Variants in ATP6V1G1 observed in about 807,000 individuals in gnomAD.
The protein encoded by ATP6V1G1 is V-type proton ATPase subunit G 1.
A neutral mutation model predicts 14.2 loss-of-function variants in ATP6V1G1; 14 were observed. That is an observed-to-expected ratio of 0.99 (90% CI 0.65 to 1.55). The LOEUF (loss-of-function observed/expected upper bound fraction) is 1.55. ATP6V1G1 is among the 40% of genes most tolerant of loss of function. ATP6V1G1 has a pLI of 0.00. For missense variants in ATP6V1G1, 137 were observed against 146.4 expected, an observed-to-expected ratio of 0.94 and a Z score of 0.33; for synonymous variants, 65 against 53.3, an observed-to-expected ratio of 1.22 and a Z score of -0.96.
intron 1 of ATP6V1G1, among the ~76,000 whole-genome samples, chr9:114,590,942 C>A (rs1034694688): frequency 6.6e-6 from 1 of 152,054 alleles, no homozygotes; most frequent in East Asian, 1.9e-4. Flanking sequence ...ACTACAGGTG[C>A]CTGCCACCAT....
chr9:114,597,596 C>T lies in ATP6V1G1; in HGVS notation c.210C>T (p.Ser70=). 6.5e-7 allele frequency: 1 copy of T among 1,537,982 alleles called. No individual in the cohort carries two copies. Among genetic ancestry groups the T allele is most frequent in the Non-Finnish European group, 8.7e-7 (1 of 1,144,334 alleles). ...CATTGGGATCCCGTGGCAGTTGCAG[C>T]ACTGAAGTGGAGAAGGAGACCCAGG... The part of the protein sequence containing the change: ...AAALGSRGSC[S]TEVEKETQEK... The change falls in exon 3 of 3, where the codon AGC becomes AGT. Residue 70 remains serine (S), a synonymous_variant. Coordinates refer to ENST00000374050, the MANE Select transcript of ATP6V1G1 (RefSeq NM_004888.4).
intron 1 of ATP6V1G1, among the ~76,000 whole-genome samples, chr9:114,590,103 CAGG>C (rs1845167627): frequency 6.7e-6 from 1 of 149,778 alleles, no homozygotes; most frequent in African/African-American, 2.5e-5. Flanking sequence ...GAGGCTGAGA[CAGG>C]AGAAACGCTT....
chr9:114,597,802 T>A lies in ATP6V1G1; in HGVS notation c.*59T>A. On this transcript the variant is annotated 3_prime_UTR_variant, in exon 3 of 3. Transcript: ENST00000374050. ...TTAGATGCCCTCACGAATATGAAGC[T>A]TAGCACAGCTCTAGTTACATTCTTA... is the stretch of plus-strand genomic sequence containing the variant. 7.1e-7 allele frequency: 1 copy of A among 1,406,866 alleles called. No individual in the cohort carries two copies. The highest frequency in any genetic ancestry group is 1.5e-5 in the African/African-American group (1 of 67,620). The allele number at this position is 1,406,866 out of a possible 1,614,324, so 87.1% of individuals were successfully genotyped here.
At chr9:114,594,089 CGGG>C (rs1845210328) in intron 2 of ATP6V1G1, among the ~76,000 whole-genome samples, 1 of 142,566 alleles carries the variant, frequency 7.0e-6, no homozygotes, top group Non-Finnish European at 1.5e-5. Context: ...TTTTCTGAGA[CGGG>C]GAGTTTTGCT....
At chr9:114,588,638 GTTAA>G (rs1030855544) in intron 1 of ATP6V1G1, among the ~76,000 whole-genome samples, 4 of 152,134 alleles carry the variant, frequency 2.6e-5, no homozygotes, top group East Asian at 3.9e-4. Flanking sequence ...TATTGGGTCA[GTTAA>G]TTAATTGCAG....
chr9:114,595,780 C>CG (rs1845231375), intron 2 of ATP6V1G1, among the ~76,000 whole-genome samples: 2 of 150,814 alleles, frequency 1.3e-5, no homozygotes, highest in East Asian at 1.9e-4. Context: ...CCCATCTCTT[C>CG]GGGAAAAAAA....
At chr9:114,592,800 C>A in intron 2 of ATP6V1G1, 148 bp downstream of exon 2, 2 of 740,448 alleles carry the variant, frequency 2.7e-6, no homozygotes, top group South Asian at 1.9e-5. Context: ...AGGCATCTGT[C>A]TTTTAGGATG....
At position 114,587,837 on chromosome 9, in the gene ATP6V1G1, C is replaced by T. The variant is rs530588639; in HGVS notation, c.-2C>T. 1 of 1,588,060 alleles carries T rather than the reference C, an allele frequency of 6.3e-7. No individual in the cohort carries two copies. The highest frequency in any genetic ancestry group is 8.6e-7 in the Non-Finnish European group (1 of 1,167,458). ...TGCCTTGCTCTCAGAATCGCTGCCGCCATGGCTAGTCAGTCTCAGGGGATT... is the reference window on the plus strand; with the variant it reads ...TGCCTTGCTCTCAGAATCGCTGCCGTCATGGCTAGTCAGTCTCAGGGGATT... On this transcript the variant is annotated 5_prime_UTR_variant, in exon 1 of 3. Transcript: ENST00000374050.
intron 2 of ATP6V1G1, among the ~76,000 whole-genome samples, chr9:114,597,066 C>T (rs956529600): frequency 1.2e-4 from 18 of 146,768 alleles, no homozygotes; most frequent in African/African-American, 4.5e-4. Context: ...TCTTGGCTCA[C>T]TGCAAGCTCC....
intron 2 of ATP6V1G1, among the ~76,000 whole-genome samples, chr9:114,596,257 T>G (rs1048198703): frequency 4.6e-5 from 7 of 151,922 alleles, no homozygotes; most frequent in South Asian, 4.2e-4. Context: ...GCGTGGTGGC[T>G]GGCGCCTGTA....
chr9:114,590,760 T>C (rs980435438), intron 1 of ATP6V1G1, among the ~76,000 whole-genome samples: 1 of 151,644 alleles, frequency 6.6e-6, no homozygotes, highest in African/African-American at 2.4e-5. Context: ...GACCTTAAAT[T>C]TTTTTTATTA....
At chr9:114,588,075 CTCTGGAAGGCTT>C in intron 1 of ATP6V1G1, 155 bp downstream of exon 1, 1 of 797,136 alleles carries the variant, frequency 1.3e-6, no homozygotes, top group African/African-American at 1.7e-5. Flanking sequence ...GGAGCTGAGG[CTCTGGAAGGCTT>C]GCGGATCGCC....
chr9:114,597,280 G>A (rs899580858), intron 2 of ATP6V1G1, among the ~76,000 whole-genome samples: 11 of 152,076 alleles, frequency 7.2e-5, no homozygotes, highest in South Asian at 2.1e-4. Flanking sequence ...GTGAGCCACC[G>A]CGCCCGGCCT....
At chr9:114,591,805 TC>T (rs1310309395) in intron 1 of ATP6V1G1, among the ~76,000 whole-genome samples, 1 of 151,954 alleles carries the variant, frequency 6.6e-6, no homozygotes, top group African/African-American at 2.4e-5. Flanking sequence ...CTAGAACCTC[TC>T]TTTTTTTTTT....
chr9:114,597,848 T>TAATG lies in ATP6V1G1; in HGVS notation c.*105_*106insAATG. The TAATG allele has an allele frequency of 9.4e-7, 1 of 1,066,860 alleles. No individual in the cohort carries two copies. Among genetic ancestry groups the TAATG allele is most frequent in the Non-Finnish European group, 1.2e-6 (1 of 818,514 alleles). The allele number at this position is 1,066,860 out of a possible 1,614,324, so 66.1% of individuals were successfully genotyped here. The stretch of plus-strand genomic sequence containing the variant: ...TCTTATGATATGGCATTAAATTATT[T>TAATG]CCATATATTATATAATAGGTCCTTC... On this transcript the variant is annotated 3_prime_UTR_variant, in exon 3 of 3. Coordinates refer to ENST00000374050, the MANE Select transcript of ATP6V1G1 (RefSeq NM_004888.4).
intron 1 of ATP6V1G1, 76 bp downstream of exon 1, chr9:114,587,996 T>G (rs971687013): frequency 2.0e-6 from 3 of 1,492,568 alleles, no homozygotes; most frequent in Admixed American, 4.1e-5. Flanking sequence ...GTGGGTAGAT[T>G]AGGCCCGAAA....
intron 2 of ATP6V1G1, among the ~76,000 whole-genome samples, chr9:114,593,924 C>G (rs993933429): frequency 2.6e-5 from 4 of 151,974 alleles, no homozygotes; most frequent in Non-Finnish European, 4.4e-5. Context: ...GACCCTGTCT[C>G]TACAAAAAAA....
rs372130727 is a variant in ATP6V1G1, at chr9:114,597,546, C to T, written c.184-24C>T. 2.2e-5 allele frequency: 32 copies of T among 1,470,610 alleles called. No individual in the cohort carries two copies. In the Admixed American group the frequency reaches 2.3e-4, roughly 11 times the overall value. 91.1% of individuals were successfully genotyped at this position (1,470,610 alleles called of 1,614,324 possible). On this transcript the variant is annotated intron_variant, in intron 2 of 2. Coordinates refer to ENST00000374050, the MANE Select transcript of ATP6V1G1 (RefSeq NM_004888.4). ...CAGAGCATTGTTCTGATAATCCCTCCGTGACATCACTCCCCATCTCCAGGC... is the reference window on the plus strand; with the variant it reads ...CAGAGCATTGTTCTGATAATCCCTCTGTGACATCACTCCCCATCTCCAGGC...
intron 2 of ATP6V1G1, among the ~76,000 whole-genome samples, chr9:114,595,603 G>A (rs1266211974): frequency 1.3e-5 from 2 of 152,094 alleles, no homozygotes; most frequent in South Asian, 2.1e-4. Flanking sequence ...GCAGTGAGCC[G>A]AGATCGTACC....
Sources: gnomAD v4.1 joint callset for allele counts (sites outside exome capture counted in the v4.1 genomes callset) on GRCh38, gnomAD v4.1.1 for gene constraint, MANE v1.5 for transcripts, NCBI Gene and HGNC (gene_info 2026-07-23, HGNC 2026-07-21) for gene names.